Variants in AGBL1 observed in about 807,000 individuals in gnomAD.
AGBL1 encodes cytosolic carboxypeptidase 4.
Under a neutral mutation model 118.9 loss-of-function variants are expected in AGBL1, and 130 were observed. The ratio of observed to expected loss-of-function variants is 1.09; its 90% CI spans 0.95 to 1.26. The LOEUF (loss-of-function observed/expected upper bound fraction) is 1.26. AGBL1 is among the 50% of genes most tolerant of loss of function. AGBL1 has a pLI of 0.00. For synonymous variants in AGBL1, 555 were observed against 478.9 expected (o/e 1.16, Z -2.08); for missense variants, 1,584 against 1,298.1 (o/e 1.22, Z -3.38).
intron 1 of AGBL1, among the ~76,000 whole-genome samples, chr15:86,098,509 C>G (rs1244686950): frequency 1.3e-5 from 2 of 152,068 alleles, no homozygotes; most frequent in African/African-American, 2.4e-5. Flanking sequence ...AGATAGGGGT[C>G]CATTTTCATT....
rs551918705 is a variant in AGBL1 at position 86,191,173 on chromosome 15, C to G, written c.488+32147C>G. Among the ~76,000 whole-genome samples the G allele has an allele frequency of 4.0e-5, 6 of 151,174 alleles. No homozygotes were observed. The East Asian group carries it at 5.9e-4, about 15-fold the overall frequency. On this transcript the variant is annotated intron_variant, in intron 5 of 22. Transcript: ENST00000614907. ...AGCCTGGCAACATGGTGAAACCCCC[C>G]CTCCCTACTAAAAATACAAAAAAAA...
intron 22 of AGBL1, among the ~76,000 whole-genome samples, chr15:86,754,810 A>G (rs1035660702): frequency 2.6e-5 from 4 of 152,056 alleles, no homozygotes; most frequent in Non-Finnish European, 4.4e-5. Flanking sequence ...CTGACCTTTT[A>G]GCTTGCATGC....
chr15:87,029,507 G>A (rs111877443), downstream of AGBL1, among the ~76,000 whole-genome samples: 28 of 49,036 alleles, frequency 5.7e-4, no homozygotes, highest in Middle Eastern at 8.2e-3. Flanking sequence ...TAACAACAAC[G>A]ACAGCAACAT....
At position 86,362,576 on chromosome 15, in the gene AGBL1, A is replaced by G. The variant is rs138929832; in HGVS notation, c.2375-34790A>G. Among the ~76,000 whole-genome samples the G allele has an allele frequency of 4.6e-5, 7 of 152,282 alleles. No homozygotes were observed. The East Asian group carries it at 1.4e-3, about 29-fold the overall frequency. On this transcript the variant is annotated intron_variant, in intron 17 of 22. Transcript: ENST00000614907. ...AGGCATGTTTCCTGGATGCCTGGACAGAGAGTACTGGCCCTGGACTGCAGC... is the reference window on the plus strand; with the variant it reads ...AGGCATGTTTCCTGGATGCCTGGACGGAGAGTACTGGCCCTGGACTGCAGC...
intron 21 of AGBL1, among the ~76,000 whole-genome samples, chr15:86,597,878 T>C (rs1017261554): frequency 6.6e-6 from 1 of 152,076 alleles, no homozygotes; most frequent in Non-Finnish European, 1.5e-5. Context: ...TTGGGGAGGA[T>C]TTTGGCTTTC....
intron 18 of AGBL1, among the ~76,000 whole-genome samples, chr15:86,474,820 C>A (rs1417906498): frequency 1.3e-5 from 2 of 152,194 alleles, no homozygotes; most frequent in Non-Finnish European, 2.9e-5. Context: ...CTGGGAGGCA[C>A]CCCCCAGTAG....
chr15:86,409,206 G>T (rs553262737), intron 18 of AGBL1, among the ~76,000 whole-genome samples: 1 of 152,116 alleles, frequency 6.6e-6, no homozygotes, highest in Non-Finnish European at 1.5e-5. Context: ...CATGGCACTT[G>T]GTGCAACCGT....
intron 22 of AGBL1, among the ~76,000 whole-genome samples, chr15:86,758,153 C>A (rs918387419): frequency 1.3e-5 from 2 of 152,068 alleles, no homozygotes; most frequent in African/African-American, 4.8e-5. Context: ...CCCACCATGT[C>A]CACTCTCCTG....
chr15:86,711,598 C>G (rs2086557775), intron 22 of AGBL1, among the ~76,000 whole-genome samples: 1 of 152,100 alleles, frequency 6.6e-6, no homozygotes. Flanking sequence ...AGTGTAGGCA[C>G]CCAGATAAAT....
chr15:86,498,116 T>C lies in AGBL1; in HGVS notation c.2556-24694T>C, dbSNP rs150148064. On this transcript the variant is annotated intron_variant, in intron 18 of 22. Transcript: ENST00000614907. ...GAAATTCTATTAACAGAAGATAGGGTCCTTCATTTCATAATTAGAAATATC... is the reference window on the plus strand; with the variant it reads ...GAAATTCTATTAACAGAAGATAGGGCCCTTCATTTCATAATTAGAAATATC... Among the ~76,000 whole-genome samples, 419 of 152,026 alleles carry C rather than the reference T, an allele frequency of 2.8e-3. 3 individuals are homozygous for C. Among genetic ancestry groups the C allele is most frequent in the African/African-American group, 9.4e-3 (389 of 41,518 alleles).
At chr15:86,985,751 C>T (rs1037720229) in intron 23 of AGBL1, among the ~76,000 whole-genome samples, 1 of 152,016 alleles carries the variant, frequency 6.6e-6, no homozygotes, top group South Asian at 2.1e-4. Context: ...AACGTATCAA[C>T]ATTTTCTTTT....
intron 5 of AGBL1, among the ~76,000 whole-genome samples, chr15:86,214,263 C>A (rs144861623): frequency 5.3e-5 from 8 of 152,284 alleles, no homozygotes; most frequent in African/African-American, 1.4e-4. Context: ...GATATCACAT[C>A]TTTTCTTTTG....
chr15:86,936,228 C>G (rs570798444), intron 23 of AGBL1, among the ~76,000 whole-genome samples: 66 of 143,500 alleles, frequency 4.6e-4, no homozygotes, highest in African/African-American at 1.6e-3. Context: ...TTGTAAACAG[C>G]AGTGTGTATG....
chr15:86,888,623 T>A (rs1166874422), intron 22 of AGBL1, among the ~76,000 whole-genome samples: 2 of 152,066 alleles, frequency 1.3e-5, no homozygotes, highest in Non-Finnish European at 2.9e-5. Flanking sequence ...GTGAGGGGAT[T>A]TCTCAGAGAT....
At chr15:86,825,762 A>G (rs75443915) in intron 22 of AGBL1, among the ~76,000 whole-genome samples, 273 of 151,922 alleles carry the variant, frequency 1.8e-3, no homozygotes, top group African/African-American at 6.2e-3. Flanking sequence ...AAACAAACCA[A>G]TAATGGGATA....
At chr15:86,160,647 C>T (rs1042223281) in intron 5 of AGBL1, among the ~76,000 whole-genome samples, 20 of 152,180 alleles carry the variant, frequency 1.3e-4, no homozygotes, top group African/African-American at 4.8e-4. Context: ...TATCTTTCTG[C>T]CCTATTCACA....
chr15:86,299,741 G>C (rs2079716528), intron 17 of AGBL1: 2 of 152,034 alleles, frequency 1.3e-5, no homozygotes, highest in African/African-American at 4.8e-5. Flanking sequence ...CATACCCTTT[G>C]AATATGCAAG....
chr15:86,229,580 C>A (rs1253507766), intron 6 of AGBL1, among the ~76,000 whole-genome samples: 1 of 152,134 alleles, frequency 6.6e-6, no homozygotes, highest in Non-Finnish European at 1.5e-5. Flanking sequence ...TATCTCATCT[C>A]ATCTTCTTCT....
At chr15:86,964,888 T>C (rs1041757114) in intron 23 of AGBL1, among the ~76,000 whole-genome samples, 4 of 152,104 alleles carry the variant, frequency 2.6e-5, no homozygotes, top group Non-Finnish European at 5.9e-5. Flanking sequence ...AGTGTTTGGT[T>C]TTCTGTTCCC....
Sources: allele counts gnomAD v4.1 joint callset (sites outside exome capture counted in the v4.1 genomes callset), GRCh38; gene constraint gnomAD v4.1.1; transcripts MANE v1.5; gene names NCBI Gene and HGNC (gene_info 2026-07-23, HGNC 2026-07-21).